Variants in SHANK2 observed in about 807,000 individuals in gnomAD.
SHANK2 encodes the protein SH3 and multiple ankyrin repeat domains protein 2.
Under a neutral mutation model 133.7 loss-of-function variants are expected in SHANK2, and 43 were observed. The observed-to-expected ratio is 0.32, with a 90% confidence interval of 0.25 to 0.41. The LOEUF (loss-of-function observed/expected upper bound fraction) is 0.41, where lower values mean the gene tolerates loss of function less well. SHANK2 is among the 10% of genes least tolerant of loss of function. The probability of loss-of-function intolerance (pLI) is 1.00; values close to 1 mark genes in which losing one functional copy is unlikely to be tolerated. For synonymous variants in SHANK2, 1,017 were observed against 952.8 expected, an observed-to-expected ratio of 1.07 and a Z score of -1.24; for missense variants, 1,994 against 2,235.8, an observed-to-expected ratio of 0.89 and a Z score of 2.18.
intron 15 of SHANK2, among the ~76,000 whole-genome samples, chr11:70,674,468 C>G (rs967375559): frequency 3.9e-5 from 6 of 152,152 alleles, no homozygotes; most frequent in Non-Finnish European, 7.3e-5. Context: ...CTGACCTCAG[C>G]CTCCCAAGTA....
At chr11:70,912,970 C>T (rs1427499104) in intron 10 of SHANK2, among the ~76,000 whole-genome samples, 1 of 151,948 alleles carries the variant, frequency 6.6e-6, no homozygotes, top group Non-Finnish European at 1.5e-5. Flanking sequence ...GTCTTATTTC[C>T]TTCAGTTCTC....
At chr11:71,100,981 G>A (rs1400182939) in intron 6 of SHANK2, among the ~76,000 whole-genome samples, 1 of 152,040 alleles carries the variant, frequency 6.6e-6, no homozygotes, top group Non-Finnish European at 1.5e-5. Flanking sequence ...GAGTTTTAGG[G>A]TAAGGAAGCT....
At chr11:70,724,895 C>A (rs1381606665) in intron 14 of SHANK2, among the ~76,000 whole-genome samples, 1 of 152,234 alleles carries the variant, frequency 6.6e-6, no homozygotes, top group Non-Finnish European at 1.5e-5. Flanking sequence ...GATGCCCATA[C>A]ACCCTACAGG....
chr11:70,829,115 G>A (rs1555057776), intron 11 of SHANK2, among the ~76,000 whole-genome samples: 1 of 152,152 alleles, frequency 6.6e-6, no homozygotes, highest in East Asian at 1.9e-4. Context: ...CCACCTCCCT[G>A]GGACCATGTG....
At chr11:70,939,791 G>A (rs934095437) in intron 10 of SHANK2, among the ~76,000 whole-genome samples, 1 of 152,292 alleles carries the variant, frequency 6.6e-6, no homozygotes, top group South Asian at 2.1e-4. Context: ...AAGAGATCAA[G>A]TCCCAATCCC....
intron 15 of SHANK2, among the ~76,000 whole-genome samples, chr11:70,685,955 G>T (rs1292911333): frequency 6.6e-6 from 1 of 150,466 alleles, no homozygotes; most frequent in African/African-American, 2.4e-5. Flanking sequence ...ACCCATCCAT[G>T]CATCCATGGG....
intron 17 of SHANK2, among the ~76,000 whole-genome samples, chr11:70,524,394 C>T (rs2135942729): frequency 6.6e-6 from 1 of 152,368 alleles, no homozygotes; most frequent in South Asian, 2.1e-4. Flanking sequence ...TGGTGACACC[C>T]ACTGAGGTTG....
chr11:71,144,566 T>G (rs1248256354), intron 3 of SHANK2, among the ~76,000 whole-genome samples: 15 of 152,048 alleles, frequency 9.9e-5, no homozygotes, highest in Non-Finnish European at 1.8e-4. Context: ...AAATAAAGCA[T>G]CTATGTGTTA....
At chr11:71,085,814 G>T (rs1325998709) in intron 8 of SHANK2, among the ~76,000 whole-genome samples, 8 of 23,004 alleles carry the variant, frequency 3.5e-4, no homozygotes, top group African/African-American at 4.3e-4. Context: ...AATATATTAT[G>T]TTATATTATA....
At chr11:70,826,575 G>T in intron 11 of SHANK2, 1 of 470,644 alleles carries the variant, frequency 2.1e-6, no homozygotes. Context: ...CAGGCGTGCA[G>T]CCCGGCCCCT....
chr11:70,853,250 A>G (rs2135474423), intron 11 of SHANK2, among the ~76,000 whole-genome samples: 1 of 152,300 alleles, frequency 6.6e-6, no homozygotes, highest in Admixed American at 6.5e-5. Flanking sequence ...CAGACACTGG[A>G]AACTCCAGCC....
chr11:71,124,402 G>C (rs1246014552), intron 3 of SHANK2, among the ~76,000 whole-genome samples: 1 of 150,542 alleles, frequency 6.6e-6, no homozygotes, highest in Non-Finnish European at 1.5e-5. Context: ...AGATGATGGT[G>C]ATGACAGTGA....
At chr11:70,602,509 C>T (rs1473205063) in intron 17 of SHANK2, among the ~76,000 whole-genome samples, 8 of 152,190 alleles carry the variant, frequency 5.3e-5, no homozygotes, top group Admixed American at 2.0e-4. Context: ...CGTCCCTCAG[C>T]AAGAGAACAG....
At chr11:70,488,997 C>T (rs1425911231) in intron 24 of SHANK2, 2 of 350,410 alleles carry the variant, frequency 5.7e-6, no homozygotes, top group Non-Finnish European at 1.1e-5. Context: ...AGACGCGTGG[C>T]ACAGGGATTT....
rs530041761 is a variant in SHANK2, at chr11:70,479,098, C to A, written c.4980-5659G>T. 6.6e-6 allele frequency among the ~76,000 whole-genome samples: 1 copy of A among 152,222 alleles called. No individual in the cohort carries two copies. The highest frequency in any genetic ancestry group is 2.4e-5 in the African/African-American group (1 of 41,450). ...CTCCCATTCATCCTTGCCCAACGCC[C>A]GCAAGTACCAGCCCCGATGGACGCA... On this transcript the variant is annotated intron_variant, in intron 25 of 25. Transcript: ENST00000601538. The surrounding 1 kb of genome is among the most constrained non-coding windows in gnomAD (Gnocchi z 4.4).
chr11:70,712,470 G>A (rs1945809785), intron 14 of SHANK2, among the ~76,000 whole-genome samples: 2 of 152,202 alleles, frequency 1.3e-5, no homozygotes, highest in Admixed American at 6.5e-5. Flanking sequence ...TGGGCAGGCT[G>A]TGCTCTGAAA....
intron 1 of SHANK2, among the ~76,000 whole-genome samples, chr11:71,230,022 A>T (rs1386570403): frequency 1.3e-5 from 2 of 152,296 alleles, no homozygotes; most frequent in East Asian, 3.9e-4. Context: ...TTTTGTAGAT[A>T]TGGACAAGAT....
intron 14 of SHANK2, among the ~76,000 whole-genome samples, chr11:70,774,745 A>C (rs1336180517): frequency 2.6e-5 from 4 of 152,276 alleles, no homozygotes; most frequent in South Asian, 2.1e-4. Flanking sequence ...TAAAACAGTA[A>C]ATTTTATGGC....
At chr11:71,223,445 T>C (rs1312173308) in intron 2 of SHANK2, among the ~76,000 whole-genome samples, 6 of 152,252 alleles carry the variant, frequency 3.9e-5, no homozygotes, top group African/African-American at 1.4e-4. Context: ...TACAGACATT[T>C]TTCTTGTCAT....
Sources: allele counts gnomAD v4.1 joint callset (sites outside exome capture counted in the v4.1 genomes callset), GRCh38; gene constraint gnomAD v4.1.1; non-coding constraint Gnocchi (gnomAD v3.1); transcripts MANE v1.5; gene names NCBI Gene and HGNC (gene_info 2026-07-23, HGNC 2026-07-21).